RELCH: variants seen among roughly 807,000 people sequenced by gnomAD.
RELCH encodes RAB11-binding protein RELCH.
Under a neutral mutation model 150.3 loss-of-function variants are expected in RELCH, and 41 were observed. That is an observed-to-expected ratio of 0.27 (90% CI 0.21 to 0.35). RELCH has a LOEUF of 0.35. Among genes scored for constraint, RELCH ranks in the 10% least tolerant of loss-of-function variants. The probability of loss-of-function intolerance (pLI) is 1.00; values close to 1 mark genes in which losing one functional copy is unlikely to be tolerated. For synonymous variants in RELCH, 478 were observed against 531.8 expected, an observed-to-expected ratio of 0.90 and a Z score of 1.39; for missense variants, 1,092 against 1,467.8, an observed-to-expected ratio of 0.74 and a Z score of 4.18.
At chr18:62,229,922 G>A (rs17062590) in intron 8 of RELCH, among the ~76,000 whole-genome samples, 6,662 of 152,128 alleles carry the variant, frequency 0.044, 175 homozygotes, top group South Asian at 0.072. Context: ...GTAAGCTTGC[G>A]TTAATTCATT....
At chr18:62,215,537 A>T (rs1321799126) in intron 2 of RELCH, among the ~76,000 whole-genome samples, 7 of 152,188 alleles carry the variant, frequency 4.6e-5, no homozygotes, top group Admixed American at 4.6e-4. Flanking sequence ...AGAGGAAGGG[A>T]TCTCTAAAGG....
intron 22 of RELCH, among the ~76,000 whole-genome samples, chr18:62,278,753 C>T (rs545019266): frequency 2.6e-5 from 4 of 152,180 alleles, no homozygotes; most frequent in East Asian, 3.9e-4. Context: ...ATGTATACGG[C>T]TCAGTATTGT....
chr18:62,258,430 A>C, intron 14 of RELCH, 82 bp from the exon 15 acceptor site: 1 of 1,224,518 alleles, frequency 8.2e-7, no homozygotes, highest in Non-Finnish European at 1.1e-6. Context: ...TAATTTATTG[A>C]AATTTTTATT....
At chr18:62,223,998 T>TA (rs2041047329) in intron 5 of RELCH, among the ~76,000 whole-genome samples, 1 of 152,168 alleles carries the variant, frequency 6.6e-6, no homozygotes, top group South Asian at 2.1e-4. Flanking sequence ...CTTTAAGTTC[T>TA]AGGGTACATG....
chr18:62,203,001 G>T (rs553537001), intron 1 of RELCH, among the ~76,000 whole-genome samples: 1 of 152,190 alleles, frequency 6.6e-6, no homozygotes, highest in Admixed American at 6.5e-5. Flanking sequence ...CCACGACATG[G>T]GCCTAAGAGA....
intron 5 of RELCH, among the ~76,000 whole-genome samples, chr18:62,226,326 A>G (rs1276784096): frequency 1.3e-5 from 2 of 152,088 alleles, no homozygotes; most frequent in Non-Finnish European, 2.9e-5. Flanking sequence ...CTTTTAATAA[A>G]ACTGTTGCAG....
At chr18:62,232,180 GTT>G in intron 9 of RELCH, 150 bp from the exon 10 acceptor site, 33 of 483,226 alleles carry the variant, frequency 6.8e-5, no homozygotes, top group East Asian at 1.4e-4. Flanking sequence ...TGCTGCTGCT[GTT>G]GTTGTTGTTG....
intron 25 of RELCH, among the ~76,000 whole-genome samples, chr18:62,286,860 T>C (rs1164008399): frequency 6.6e-6 from 1 of 152,208 alleles, no homozygotes; most frequent in Non-Finnish European, 1.5e-5. Flanking sequence ...CTGTTTGACA[T>C]TGGTCTTTGC....
chr18:62,222,305 T>C (rs2040927991), intron 5 of RELCH, among the ~76,000 whole-genome samples: 1 of 151,990 alleles, frequency 6.6e-6, no homozygotes, highest in Non-Finnish European at 1.5e-5. Flanking sequence ...TTTTATTCAA[T>C]GGTAGTGTCA....
chr18:62,187,532 T>G lies in RELCH; in HGVS notation c.27T>G (p.Ser9Arg). The change falls in exon 1 of 29, where the codon AGT becomes AGG. Residue 9 changes from serine to arginine, a missense_variant. Physicochemically the swap from Ser to Arg is moderately radical, Grantham distance 110. Around this residue, in one of 4 missense-constraint regions of RELCH, gnomAD observed 138 missense variants for 124.8 expected, o/e 1.11. Coordinates refer to ENST00000644646, the MANE Select transcript of RELCH (RefSeq NM_001346231.2). MAAMAPGGSGSGGGVNPFL... is the reference protein window; with the variant it reads MAAMAPGGRGSGGGVNPFL... Reference sequence around the variant, plus strand: ...TGGCGGCGATGGCGCCTGGAGGTAGTGGCAGTGGTGGCGGCGTGAATCCAT... The same window carrying G: ...TGGCGGCGATGGCGCCTGGAGGTAGGGGCAGTGGTGGCGGCGTGAATCCAT... 1 of 1,514,676 alleles carries G rather than the reference T, an allele frequency of 6.6e-7. No individual in the cohort carries two copies. The highest frequency in any genetic ancestry group is 8.8e-7 in the Non-Finnish European group (1 of 1,131,412). The allele number at this position is 1,514,676 out of a possible 1,614,324, so 93.8% of individuals were successfully genotyped here. A position where few individuals can be genotyped will look rare whatever the true frequency, so the allele number is the denominator to read the frequency against.
chr18:62,242,841 T>C (rs1438090308), intron 10 of RELCH, among the ~76,000 whole-genome samples: 2 of 151,808 alleles, frequency 1.3e-5, no homozygotes. Context: ...ACATTTTAAG[T>C]GTGTGTGTGT....
intron 1 of RELCH, among the ~76,000 whole-genome samples, chr18:62,190,228 G>A (rs947598040): frequency 3.3e-5 from 5 of 152,168 alleles, no homozygotes; most frequent in African/African-American, 4.8e-5. Flanking sequence ...AAATTTACAC[G>A]TTTTAAGTGT....
intron 25 of RELCH, among the ~76,000 whole-genome samples, chr18:62,282,792 G>A (rs539588449): frequency 6.6e-6 from 1 of 152,234 alleles, no homozygotes; most frequent in South Asian, 2.1e-4. Context: ...CAAGTAGTTG[G>A]GATTACAGGT....
chr18:62,239,666 G>T (rs73458531), intron 10 of RELCH, among the ~76,000 whole-genome samples: 14,811 of 151,880 alleles, frequency 0.098, 845 homozygotes, highest in East Asian at 0.19. Context: ...GCACAGTTCC[G>T]GTCTGTCCCC....
At chr18:62,234,852 T>A (rs976109431) in intron 10 of RELCH, 2 of 151,946 alleles carry the variant, frequency 1.3e-5, no homozygotes, top group East Asian at 3.9e-4. Flanking sequence ...ATATATATGA[T>A]TTGCAAATAT....
intron 1 of RELCH, among the ~76,000 whole-genome samples, chr18:62,203,018 G>A (rs1481040811): frequency 6.6e-5 from 10 of 152,150 alleles, no homozygotes; most frequent in Non-Finnish European, 1.3e-4. Flanking sequence ...GAGAAGAGAA[G>A]ATAGTACTCA....
At chr18:62,197,215 T>C (rs566327767) in intron 1 of RELCH, among the ~76,000 whole-genome samples, 1 of 152,250 alleles carries the variant, frequency 6.6e-6, no homozygotes, top group East Asian at 1.9e-4. Context: ...AAAAATACAA[T>C]ATGACATTTC....
rs546744433 is a variant in RELCH, at chr18:62,218,312, T to G, written c.617-2725T>G. ...CATCAATAATGAACTAGAATGGGAA[T>G]GAAAAAATACTTCTTCAGACCAGTG... On this transcript the variant is annotated intron_variant, in intron 2 of 28. Transcript: ENST00000644646. Among the ~76,000 whole-genome samples the G allele has an allele frequency of 5.9e-5, 9 of 152,006 alleles. No homozygotes were observed. The South Asian group carries it at 1.9e-3, about 31-fold the overall frequency.
intron 21 of RELCH, among the ~76,000 whole-genome samples, 178 bp from the exon 22 acceptor site, chr18:62,275,196 T>A (rs2044131518): frequency 6.6e-6 from 1 of 152,214 alleles, no homozygotes; most frequent in African/African-American, 2.4e-5. Context: ...ATTACAGGCG[T>A]GAGCCACTGC....
Sources: gnomAD v4.1 joint callset for allele counts (sites outside exome capture counted in the v4.1 genomes callset) on GRCh38, gnomAD v4.1.1 for gene constraint, gnomAD v4.1.1 regional missense constraint, MANE v1.5 for transcripts, NCBI Gene and HGNC (gene_info 2026-07-23, HGNC 2026-07-21) for gene names.